SPEN: variants seen among roughly 807,000 people sequenced by gnomAD.
SPEN encodes spen family transcriptional repressor.
SPEN carries 18 observed loss-of-function variants against 269.9 expected under a neutral mutation model. The observed-to-expected ratio is 0.07, with a 90% CI of 0.05 to 0.10. The LOEUF is 0.10. Among genes scored for constraint, SPEN ranks in the 10% least tolerant of loss-of-function variants. The probability of loss-of-function intolerance (pLI) is 1.00; values close to 1 mark genes in which losing one functional copy is unlikely to be tolerated. For synonymous variants in SPEN, 1,726 were observed against 1,765.7 expected, an observed-to-expected ratio of 0.98 and a Z score of 0.56; for missense variants, 3,822 against 4,631.2, an observed-to-expected ratio of 0.83 and a Z score of 5.07.
In SPEN at chr1:15,848,569, G is replaced by A. The variant is rs1046027260; in HGVS notation, c.83+419G>A. 1.3e-5 allele frequency among the ~76,000 whole-genome samples: 2 copies of A among 152,058 alleles called. No homozygotes were observed. Among genetic ancestry groups the A allele is most frequent in the Non-Finnish European group, 2.9e-5 (2 of 67,984 alleles). On this transcript the variant is annotated intron_variant, in intron 1 of 14. Coordinates refer to ENST00000375759, the MANE Select transcript of SPEN (RefSeq NM_015001.3). This position sits in a 1 kb window ranked among gnomAD's most constrained non-coding sequence, Gnocchi z 5.1. ...CCGCCCGACAGCCGGGTCCGGCGCC[G>A]CCACTCCAAGCTGCTCTGCGGGCGC...
Position 15,934,205 on chromosome 1 carries a change from T to C in SPEN, c.7965T>C (p.Thr2655=). Reference sequence around the variant, plus strand: ...TCACTGGTCTGGTGAGCGCACTCACTGGCCTGGTGAACGTCTCCCTGGTCC... The same window carrying C: ...TCACTGGTCTGGTGAGCGCACTCACCGGCCTGGTGAACGTCTCCCTGGTCC... ...QTLTGLVSAL[T]GLVNVSLVPV... Residue 2655 remains threonine (T), a synonymous_variant, in exon 11 of 15, where the codon ACT becomes ACC. Transcript: ENST00000375759. The surrounding 1 kb of genome is among the most constrained non-coding windows in gnomAD (Gnocchi z 9.2). 1 of 1,614,242 alleles carries C rather than the reference T, an allele frequency of 6.2e-7. No homozygotes were observed. Among genetic ancestry groups the C allele is most frequent in the Non-Finnish European group, 8.5e-7 (1 of 1,180,046 alleles).
At chr1:15,909,613 A>G in intron 4 of SPEN, 132 bp downstream of exon 4, 1 of 964,884 alleles carries the variant, frequency 1.0e-6, no homozygotes, top group Non-Finnish European at 1.6e-6. Context: ...AACGTTTTAA[A>G]TGAGGAAAGC....
chr1:15,899,904 G>A (rs1467383684), intron 3 of SPEN, among the ~76,000 whole-genome samples: 1 of 151,874 alleles, frequency 6.6e-6, no homozygotes, highest in East Asian at 1.9e-4. Flanking sequence ...GGAGTGTAAT[G>A]GCGCTATCTC....
chr1:15,890,322 C>T (rs1328709703), intron 3 of SPEN, among the ~76,000 whole-genome samples: 1 of 151,918 alleles, frequency 6.6e-6, no homozygotes, highest in Non-Finnish European at 1.5e-5. Context: ...ACCTCTGCCT[C>T]CCGGGTTCAA....
intron 3 of SPEN, 75 bp from the exon 4 acceptor site, chr1:15,909,246 T>G (rs1445732982): frequency 6.6e-7 from 1 of 1,506,346 alleles, no homozygotes; most frequent in Non-Finnish European, 9.0e-7. Context: ...TATTAGTTAT[T>G]TTAAGAAGTT....
chr1:15,860,127 G>T (rs2070429861), intron 1 of SPEN, among the ~76,000 whole-genome samples: 1 of 151,630 alleles, frequency 6.6e-6, no homozygotes, highest in African/African-American at 2.4e-5. Context: ...TAGCCAGGAT[G>T]GTCTCGATCT....
intron 3 of SPEN, among the ~76,000 whole-genome samples, chr1:15,903,401 A>G (rs923828100): frequency 1.3e-5 from 2 of 152,164 alleles, no homozygotes; most frequent in East Asian, 3.8e-4. Context: ...GAAAAGTGGA[A>G]CTAGGTTTCT....
At position 15,934,730 on chromosome 1, in the gene SPEN, C is replaced by G; in HGVS notation, c.8490C>G (p.Ile2830Met). 6.2e-7 allele frequency: 1 copy of G among 1,614,176 alleles called. No homozygotes were observed. Among genetic ancestry groups the G allele is most frequent in the Non-Finnish European group, 8.5e-7 (1 of 1,180,022 alleles). The change falls in exon 11 of 15, where the codon ATC becomes ATG. Residue 2830 changes from isoleucine (I) to methionine (M), a missense_variant. Around this residue, in one of 16 missense-constraint regions of SPEN, gnomAD observed 329 missense variants for 431.2 expected, o/e 0.76. Transcript: ENST00000375759. This position sits in a 1 kb window ranked among gnomAD's most constrained non-coding sequence, Gnocchi z 9.2. ...AGAAGACCGAAGGCCCACAGCGGAT[C>G]AGCGCCAAGATCAGCCAGATCCCCC... ...SGQKTEGPQR[I>M]SAKISQIPPA... is the part of the protein sequence containing the mutation.
At chr1:15,923,929 A>G (rs1378453193) in intron 10 of SPEN, among the ~76,000 whole-genome samples, 4 of 152,122 alleles carry the variant, frequency 2.6e-5, no homozygotes, top group East Asian at 1.9e-4. Context: ...TGGCCTCTCA[A>G]AGTGCTGGGA....
At position 15,882,985 on chromosome 1, in the gene SPEN, T is replaced by G. The variant is rs537613730; in HGVS notation, c.881+6307T>G. Among the ~76,000 whole-genome samples the G allele has an allele frequency of 4.2e-3, 644 of 152,250 alleles. 2 individuals are homozygous for G. Among genetic ancestry groups the G allele is most frequent in the Non-Finnish European group, 5.3e-3 (361 of 68,014 alleles). ...CTTCCCTCCTCAGCAGGAAACCCCC[T>G]TCTTCCCAGAAGAGAGAGGGGAAAG... On this transcript the variant is annotated intron_variant, in intron 3 of 14. Coordinates refer to ENST00000375759, the MANE Select transcript of SPEN (RefSeq NM_015001.3).
At chr1:15,866,627 A>G (rs959491218) in intron 1 of SPEN, among the ~76,000 whole-genome samples, 2 of 152,200 alleles carry the variant, frequency 1.3e-5, no homozygotes, top group Admixed American at 1.3e-4. Context: ...TGGTGGGATT[A>G]CAGGCGTGAG....
chr1:15,933,054 A>G lies in SPEN; in HGVS notation c.6814A>G (p.Ile2272Val). The G allele has an allele frequency of 6.2e-7, 1 of 1,614,108 alleles. No individual in the cohort carries two copies. The highest frequency in any genetic ancestry group is 8.5e-7 in the Non-Finnish European group (1 of 1,179,946). Residue 2272 changes from isoleucine (I) to valine (V), a missense_variant, in exon 11 of 15, where the codon ATC becomes GTC. Coordinates refer to ENST00000375759, the MANE Select transcript of SPEN (RefSeq NM_015001.3). The surrounding 1 kb of genome is among the most constrained non-coding windows in gnomAD (Gnocchi z 5.7). Reference protein sequence around the residue: ...GMETDEAVSGILETEAATESS... With the variant: ...GMETDEAVSGVLETEAATESS... ...GGAGACAGATGAGGCTGTATCTGGC[A>G]TCCTGGAAACTGAGGCTGCTACAGA...
At chr1:15,896,181 C>A (rs2070840031) in intron 3 of SPEN, among the ~76,000 whole-genome samples, 1 of 138,008 alleles carries the variant, frequency 7.2e-6, no homozygotes, top group Non-Finnish European at 1.5e-5. Flanking sequence ...TTTGATTTTA[C>A]CATCACTTTT....
At position 15,934,018 on chromosome 1, in the gene SPEN, A is replaced by C; in HGVS notation, c.7778A>C (p.Asn2593Thr). 4.3e-6 allele frequency: 7 copies of C among 1,613,832 alleles called. No individual in the cohort carries two copies. Among genetic ancestry groups the C allele is most frequent in the Non-Finnish European group, 5.9e-6 (7 of 1,179,848 alleles). ...EEKTAPPVTN[N>T]SEIQASEVLV... ...AAAACAGCACCTCCAGTGACAAACA[A>C]CTCTGAGATACAAGCCTCGGAGGTG... The change falls in exon 11 of 15, where the codon AAC becomes ACC. Residue 2593 changes from asparagine to threonine, a missense_variant. Coordinates refer to ENST00000375759, the MANE Select transcript of SPEN (RefSeq NM_015001.3). This position sits in a 1 kb window ranked among gnomAD's most constrained non-coding sequence, Gnocchi z 9.2.
In SPEN at chr1:15,940,398, C is replaced by T. The variant is rs1348789014; in HGVS notation, c.*971C>T. On this transcript the variant is annotated 3_prime_UTR_variant, in exon 15 of 15. Transcript: ENST00000375759. ...TAATTTATGAAACTGTTTTTCTCAGCGCAGTTTTGTTTTGTGTGTCCATTG... is the reference window on the plus strand; with the variant it reads ...TAATTTATGAAACTGTTTTTCTCAGTGCAGTTTTGTTTTGTGTGTCCATTG... 8.6e-6 allele frequency: 2 copies of T among 232,116 alleles called. No homozygotes were observed. Among genetic ancestry groups the T allele is most frequent in the East Asian group, 6.1e-5 (1 of 16,432 alleles). 14.4% of individuals were successfully genotyped at this position (232,116 alleles called of 1,614,324 possible).
At chr1:15,880,890 G>C (rs2148714020) in intron 3 of SPEN, among the ~76,000 whole-genome samples, 1 of 152,328 alleles carries the variant, frequency 6.6e-6, no homozygotes, top group African/African-American at 2.4e-5. Flanking sequence ...AGGAGGTTTA[G>C]GCTAGACAGG....
chr1:15,936,439 G>A (rs938771425), intron 11 of SPEN, among the ~76,000 whole-genome samples, 173 bp downstream of exon 11: 2 of 151,506 alleles, frequency 1.3e-5, no homozygotes, highest in South Asian at 2.1e-4. Flanking sequence ...CCGGGAGTTC[G>A]AGACCAGCCT....
At chr1:15,870,653 A>G (rs2070563909) in intron 1 of SPEN, among the ~76,000 whole-genome samples, 1 of 152,184 alleles carries the variant, frequency 6.6e-6, no homozygotes, top group African/African-American at 2.4e-5. Context: ...GTTCTTTCCT[A>G]TTGCTTATTA....
chr1:15,866,591 G>A (rs2070514145), intron 1 of SPEN, among the ~76,000 whole-genome samples: 1 of 152,170 alleles, frequency 6.6e-6, no homozygotes, highest in African/African-American at 2.4e-5. Flanking sequence ...CTGACCTCGT[G>A]ATCTGCCTGC....
Sources: gnomAD v4.1 joint callset for allele counts (sites outside exome capture counted in the v4.1 genomes callset) on GRCh38, gnomAD v4.1.1 for gene constraint, gnomAD v4.1.1 regional missense constraint, Gnocchi (gnomAD v3.1) non-coding constraint, MANE v1.5 for transcripts, NCBI Gene and HGNC (gene_info 2026-07-23, HGNC 2026-07-21) for gene names.